CFAP95: variants seen among roughly 807,000 people sequenced by gnomAD.
The protein encoded by CFAP95 is cilia and flagella associated protein 95.
chr9:69,822,677 A>C, the CFAP95 span, among the ~76,000 whole-genome samples: 1 of 152,220 alleles, frequency 6.6e-6, no homozygotes, highest in African/African-American at 2.4e-5. Context: ...TTACTTTGAA[A>C]ATTGCATTGT....
the CFAP95 span, among the ~76,000 whole-genome samples, chr9:69,892,060 T>C: frequency 6.6e-6 from 1 of 152,218 alleles, no homozygotes; most frequent in Non-Finnish European, 1.5e-5. Flanking sequence ...CAAAATGACA[T>C]CCGCATTTTT....
At chr9:69,843,253 C>T in the CFAP95 span, among the ~76,000 whole-genome samples, 4 of 151,966 alleles carry the variant, frequency 2.6e-5, no homozygotes, top group Admixed American at 6.6e-5. Flanking sequence ...ATTGAATTCT[C>T]GGGTACTTGA....
the CFAP95 span, among the ~76,000 whole-genome samples, chr9:69,860,944 C>T: frequency 2.0e-5 from 3 of 152,080 alleles, no homozygotes; most frequent in Admixed American, 6.6e-5. Context: ...TAGGACCTGC[C>T]TGAGGCTGTT....
At chr9:69,876,695 C>T in the CFAP95 span, among the ~76,000 whole-genome samples, 12 of 152,140 alleles carry the variant, frequency 7.9e-5, no homozygotes, top group South Asian at 2.1e-4. Flanking sequence ...AGTGCAATGG[C>T]GCAGTTTTGG....
chr9:69,856,091 T>C, the CFAP95 span, among the ~76,000 whole-genome samples: 36 of 152,178 alleles, frequency 2.4e-4, no homozygotes, highest in African/African-American at 8.4e-4. Flanking sequence ...ATCTTATAGT[T>C]TGAAGATTTT....
At chr9:69,894,290 C>G in the CFAP95 span, among the ~76,000 whole-genome samples, 1 of 152,206 alleles carries the variant, frequency 6.6e-6, no homozygotes, top group Non-Finnish European at 1.5e-5. Flanking sequence ...ACCTTAGGAT[C>G]TGCTGGTTTT....
At chr9:69,869,610 C>T in the CFAP95 span, among the ~76,000 whole-genome samples, 2 of 151,704 alleles carry the variant, frequency 1.3e-5, no homozygotes, top group East Asian at 1.9e-4. Flanking sequence ...TTGTTCTTAT[C>T]GCAAAAAAGG....
the CFAP95 span, among the ~76,000 whole-genome samples, chr9:69,905,026 G>C: frequency 6.6e-6 from 1 of 152,066 alleles, no homozygotes; most frequent in Non-Finnish European, 1.5e-5. Flanking sequence ...ATTTCTACCT[G>C]TAAAGTGGGT....
chr9:69,898,217 G>A, the CFAP95 span, among the ~76,000 whole-genome samples: 3,699 of 152,160 alleles, frequency 0.024, 82 homozygotes, highest in Middle Eastern at 0.048. Context: ...AGCAATTGTT[G>A]ATTACCACCA....
the CFAP95 span, among the ~76,000 whole-genome samples, chr9:69,841,985 T>C: frequency 1.3e-5 from 2 of 152,204 alleles, no homozygotes; most frequent in African/African-American, 4.8e-5. Flanking sequence ...TCAGGACTTG[T>C]CATTGCTCTC....
At chr9:69,860,894 A>T in the CFAP95 span, among the ~76,000 whole-genome samples, 2 of 152,274 alleles carry the variant, frequency 1.3e-5, no homozygotes, top group East Asian at 1.9e-4. Flanking sequence ...TGGAGTTGTC[A>T]TCTCCTGTGA....
the CFAP95 span, among the ~76,000 whole-genome samples, chr9:69,895,363 C>CTGTG: frequency 6.9e-3 from 624 of 90,110 alleles, no homozygotes; most frequent in South Asian, 0.012. Context: ...CTCTCTCTCT[C>CTGTG]TCTCTCTGTG....
the CFAP95 span, among the ~76,000 whole-genome samples, chr9:69,847,106 C>T: frequency 1.1e-4 from 16 of 152,178 alleles, no homozygotes; most frequent in South Asian, 2.1e-4. Flanking sequence ...AGAGGGAGTG[C>T]GGGGCAGGGA....
the CFAP95 span, among the ~76,000 whole-genome samples, chr9:69,851,049 C>T: frequency 6.6e-6 from 1 of 152,210 alleles, no homozygotes; most frequent in Non-Finnish European, 1.5e-5. Context: ...CCATCACTTT[C>T]ATTTGCTGCT....
At chr9:69,898,151 A>G in the CFAP95 span, among the ~76,000 whole-genome samples, 1 of 152,240 alleles carries the variant, frequency 6.6e-6, no homozygotes, top group East Asian at 1.9e-4. Flanking sequence ...CTAGAGGTTA[A>G]TTGACATTGT....
At chr9:69,866,680 C>T in the CFAP95 span, among the ~76,000 whole-genome samples, 7 of 152,206 alleles carry the variant, frequency 4.6e-5, no homozygotes, top group African/African-American at 1.7e-4. Context: ...CAGACAGAAT[C>T]TGGGCTATCT....
At chr9:69,821,214 G>A in the CFAP95 span, among the ~76,000 whole-genome samples, 1 of 151,878 alleles carries the variant, frequency 6.6e-6, no homozygotes, top group Non-Finnish European at 1.5e-5. Context: ...GAGAAGAAAG[G>A]TGAGAAAAAG....
At chr9:69,836,701 T>G in the CFAP95 span, among the ~76,000 whole-genome samples, 3 of 150,198 alleles carry the variant, frequency 2.0e-5, no homozygotes, top group Non-Finnish European at 4.4e-5. Context: ...TTTTTTTTTT[T>G]TTTTACATTT....
the CFAP95 span, among the ~76,000 whole-genome samples, chr9:69,900,189 C>A: frequency 1.2e-4 from 18 of 152,068 alleles, no homozygotes; most frequent in African/African-American, 3.4e-4. Context: ...CCTAGATCAT[C>A]AAACCTGAGG....
Sources: allele counts gnomAD v4.1 joint callset (sites outside exome capture counted in the v4.1 genomes callset), GRCh38; gene constraint gnomAD v4.1.1; transcripts MANE v1.5; gene names NCBI Gene and HGNC (gene_info 2026-07-23, HGNC 2026-07-21).